Variants in SGSM1 observed in about 807,000 individuals in gnomAD.
SGSM1 encodes small G protein signaling modulator 1.
A neutral mutation model predicts 133.8 loss-of-function variants in SGSM1; 73 were observed. That is an observed-to-expected ratio of 0.55 (90% CI 0.45 to 0.66). SGSM1 has a LOEUF of 0.66. Among genes scored for constraint, SGSM1 ranks in the 30% least tolerant of loss-of-function variants. The pLI, the probability that SGSM1 is intolerant of heterozygous loss-of-function variation, is 0.00. For synonymous variants in SGSM1, 563 were observed against 573.0 expected (o/e 0.98, Z 0.25); for missense variants, 1,213 against 1,448.1 (o/e 0.84, Z 2.64).
chr22:24,871,069 T>TG (rs1485279039), intron 12 of SGSM1, among the ~76,000 whole-genome samples: 1 of 152,214 alleles, frequency 6.6e-6, no homozygotes, highest in Non-Finnish European at 1.5e-5. Context: ...TACTGTCATT[T>TG]GGGATGGAAT....
chr22:24,836,154 C>T (rs1929415126), intron 2 of SGSM1, among the ~76,000 whole-genome samples: 1 of 152,164 alleles, frequency 6.6e-6, no homozygotes, highest in Admixed American at 6.5e-5. Flanking sequence ...CTTTCTTTCT[C>T]TTTAAATTTG....
At chr22:24,882,818 C>A (rs1017966776) in intron 14 of SGSM1, among the ~76,000 whole-genome samples, 35 of 152,124 alleles carry the variant, frequency 2.3e-4, no homozygotes, top group Admixed American at 6.6e-5. Flanking sequence ...TCCATCCATG[C>A]TGCTGCGCAT....
intron 5 of SGSM1, 83 bp from the exon 6 acceptor site, chr22:24,854,913 C>A: frequency 9.2e-7 from 1 of 1,084,102 alleles, no homozygotes; most frequent in Non-Finnish European, 1.4e-6. Context: ...AACCGAGTGA[C>A]ACTGGGGATT....
chr22:24,856,409 A>C (rs1208781610), intron 8 of SGSM1, among the ~76,000 whole-genome samples: 1 of 152,210 alleles, frequency 6.6e-6, no homozygotes, highest in African/African-American at 2.4e-5. Flanking sequence ...AATTCAGGCC[A>C]GCTGGTGCCA....
intron 20 of SGSM1, 31 bp downstream of exon 20, chr22:24,901,988 A>G (rs369741898): frequency 2.0e-5 from 3 of 151,184 alleles, no homozygotes; most frequent in South Asian, 5.6e-5. Flanking sequence ...GATCTAGGGG[A>G]TGGGGATGGT....
intron 2 of SGSM1, among the ~76,000 whole-genome samples, chr22:24,843,302 G>C (rs1206885617): frequency 6.6e-6 from 1 of 152,252 alleles, no homozygotes; most frequent in East Asian, 1.9e-4. Context: ...CAGCTCTAGG[G>C]GGACACTGCC....
rs756954398 is a variant in SGSM1, at chr22:24,901,803, C to T, written c.2611-30C>T. On this transcript the variant is annotated intron_variant, in intron 19 of 24. Transcript: ENST00000400358. ...ACTTAGATGTGATTTTTCATTTCTT[C>T]CCCCTACCCCCTGCCCCGATGGCCT... 11 of 1,602,402 alleles carry T rather than the reference C, an allele frequency of 6.9e-6. No individual in the cohort carries two copies. In the Admixed American group the frequency reaches 1.5e-4, roughly 23 times the overall value.
rs775016299 is a variant in SGSM1 at position 24,893,447 on chromosome 22, A to T, written c.1787A>T (p.His596Leu). The T allele has an allele frequency of 2.5e-6, 4 of 1,613,706 alleles. No homozygotes were observed. In the East Asian group the frequency reaches 8.9e-5, roughly 36 times the overall value. Residue 596 changes from histidine (H) to leucine (L), a missense_variant, in exon 17 of 25, where the codon CAT (histidine) becomes CTT (leucine). By Grantham distance (99) the His-to-Leu change is moderately conservative. Transcript: ENST00000400358. ...CCCTGGCAGGTGGACGAGCAGATTC[A>T]TGCCTGCTATGCACAGACCATGGCT... ...TERKEVDEQI[H>L]ACYAQTMAEW...
chr22:24,874,666 T>A, intron 12 of SGSM1: 1 of 1,454,572 alleles, frequency 6.9e-7, no homozygotes, highest in Non-Finnish European at 9.1e-7. Flanking sequence ...CCAAGGGAGA[T>A]GGAGGCAGGA....
At chr22:24,902,431 T>C (rs760707998) in intron 20 of SGSM1, among the ~76,000 whole-genome samples, 5 of 152,176 alleles carry the variant, frequency 3.3e-5, no homozygotes, top group Non-Finnish European at 5.9e-5. Context: ...CGTGGGAGGA[T>C]CACTTGAGGC....
chr22:24,849,599 T>A (rs2147842963), intron 4 of SGSM1, among the ~76,000 whole-genome samples: 1 of 152,212 alleles, frequency 6.6e-6, no homozygotes. Flanking sequence ...ATCCTCAAGA[T>A]CAAAGCATGG....
At chr22:24,866,996 T>G (rs1601938025) in intron 9 of SGSM1, 97 bp from the exon 10 acceptor site, 1 of 1,122,464 alleles carries the variant, frequency 8.9e-7, no homozygotes. Context: ...ATGGGAAGGG[T>G]GGAGGAGCTC....
At chr22:24,912,815 G>T (rs1013572668) in intron 22 of SGSM1, 63 bp downstream of exon 22, 12 of 1,181,288 alleles carry the variant, frequency 1.0e-5, no homozygotes, top group African/African-American at 3.0e-5. Context: ...AAGCTTAGTG[G>T]CTCCAGACTG....
rs573880666 is a variant in SGSM1, at chr22:24,846,842, T to G, written c.140-792T>G. On this transcript the variant is annotated intron_variant, in intron 3 of 24. Transcript: ENST00000400358. ...TTTGTTTTTTTGTTTGTTTGTTTTT[T>G]GGGGTTTTTTTTTTTTGAGACGGAG... Among the ~76,000 whole-genome samples, 22 of 151,982 alleles carry G rather than the reference T, an allele frequency of 1.4e-4. No individual in the cohort carries two copies. In the South Asian group the frequency reaches 3.5e-3, roughly 24 times the overall value.
chr22:24,884,112 C>T lies in SGSM1; in HGVS notation c.1555C>T (p.His519Tyr). Residue 519 changes from histidine (H) to tyrosine (Y), a missense_variant, in exon 15 of 25, where the codon CAC becomes TAC. Physicochemically the swap from His to Tyr is moderately conservative, Grantham distance 83 (BLOSUM62 2). Transcript: ENST00000400358. The stretch of plus-strand genomic sequence containing the variant: ...AACCCACCTATCAGCCCTGGTCAAT[C>T]ACATGATCGTGTCTCCAGACTTGCC... ...VRTHLSALVN[H>Y]MIVSPDLPCD... 6.2e-7 allele frequency: 1 copy of T among 1,613,842 alleles called. No individual in the cohort carries two copies. Among genetic ancestry groups the T allele is most frequent in the Non-Finnish European group, 8.5e-7 (1 of 1,179,846 alleles).
chr22:24,816,667 AGCGC>A (rs1350551521), intron 2 of SGSM1, among the ~76,000 whole-genome samples: 24 of 152,082 alleles, frequency 1.6e-4, no homozygotes, highest in African/African-American at 5.8e-4. Context: ...GGCCTCCCAA[AGCGC>A]TGGGAAAAAT....
intron 2 of SGSM1, among the ~76,000 whole-genome samples, chr22:24,838,968 A>G (rs1477483716): frequency 2.7e-5 from 4 of 148,892 alleles, no homozygotes; most frequent in South Asian, 2.1e-4. Context: ...TAGAAATTTC[A>G]TTAAATCTGT....
intron 13 of SGSM1, 32 bp downstream of exon 13, chr22:24,876,747 G>A: frequency 1.2e-6 from 2 of 1,613,562 alleles, no homozygotes; most frequent in Non-Finnish European, 1.7e-6. Context: ...GATGGAGAGA[G>A]CTGAAGGATG....
intron 4 of SGSM1, 89 bp downstream of exon 4, chr22:24,847,885 G>A (rs1930239586): frequency 2.7e-6 from 4 of 1,487,070 alleles, no homozygotes; most frequent in Non-Finnish European, 3.6e-6. Flanking sequence ...GCAACCCCTA[G>A]CACTCTTTTC....
Sources: allele counts gnomAD v4.1 joint callset (sites outside exome capture counted in the v4.1 genomes callset), GRCh38; gene constraint gnomAD v4.1.1; transcripts MANE v1.5; gene names NCBI Gene and HGNC (gene_info 2026-07-23, HGNC 2026-07-21).